TIMM50: variants seen among roughly 807,000 people sequenced by gnomAD.
The protein encoded by TIMM50 is translocase of inner mitochondrial membrane 50.
In TIMM50, 34 loss-of-function variants were observed where a neutral mutation model predicts 49.6. The ratio of observed to expected loss-of-function variants is 0.69; its 90% CI spans 0.52 to 0.91. TIMM50 has a LOEUF of 0.91. Among genes scored for constraint, TIMM50 ranks in the 40% least tolerant of loss-of-function variants. The pLI, the probability that TIMM50 is intolerant of heterozygous loss-of-function variation, is 0.00. For synonymous variants in TIMM50, 199 were observed against 198.4 expected, an observed-to-expected ratio of 1.00 and a Z score of -0.03; for missense variants, 458 against 477.8, an observed-to-expected ratio of 0.96 and a Z score of 0.39.
chr19:39,487,037 G>T (rs1359576592), intron 8 of TIMM50, among the ~76,000 whole-genome samples: 1 of 152,118 alleles, frequency 6.6e-6, no homozygotes, highest in Non-Finnish European at 1.5e-5. Context: ...GTCTTGAAGG[G>T]TCTGTGTCTG....
rs4803245 is a variant in TIMM50 at position 39,485,824 on chromosome 19, C to T, written c.492+17C>T. On this transcript the variant is annotated intron_variant, in intron 6 of 10. Transcript: ENST00000607714. ...GAGTGGTCGGTGTGTCCCGGGAAAC[C>T]CAGTGGGTTGGGGATAGACCTGGGC... The T allele has an allele frequency of 8.1e-6, 13 of 1,613,382 alleles. No homozygotes were observed. The African/African-American group carries it at 1.5e-4, about 18-fold the overall frequency.
rs1461487153 is a variant in TIMM50, at chr19:39,486,448, C to T, written c.649C>T (p.Arg217Cys). The T allele has an allele frequency of 7.4e-6, 12 of 1,614,130 alleles. No individual in the cohort carries two copies. The highest frequency in any genetic ancestry group is 2.2e-5 in the East Asian group (1 of 44,886). ...GGACCCCCATGGCTTCATCTCCTAC[C>T]GCCTATTCCGGGACGCCACAAGATA... ...SVDPHGFISY[R>C]LFRDATRYMD... is the part of the protein sequence containing the mutation. The change falls in exon 8 of 11, where the codon CGC (arginine) becomes TGC (cysteine). Residue 217 changes from arginine (R) to cysteine (C), a missense_variant. Coordinates refer to ENST00000607714, the MANE Select transcript of TIMM50 (RefSeq NM_001001563.5).
intron 4 of TIMM50, chr19:39,483,380 G>A: frequency 1.7e-6 from 1 of 575,216 alleles, no homozygotes; most frequent in Non-Finnish European, 3.1e-6. Flanking sequence ...TGGGGGATTG[G>A]AGCCTTGGGT....
In TIMM50 at chr19:39,492,874, A is replaced by AAAAAAAAAAC. The variant is rs2079555077; in HGVS notation, c.*3063_*3064insCAAAAAAAAA. 1 of 139,234 alleles carries AAAAAAAAAAC rather than the reference A, an allele frequency of 7.2e-6. No homozygotes were observed. Among genetic ancestry groups the AAAAAAAAAAC allele is most frequent in the Non-Finnish European group, 1.6e-5 (1 of 64,180 alleles). The allele number at this position is 139,234 out of a possible 1,614,324, so 8.6% of individuals were successfully genotyped here. A position where few individuals can be genotyped will look rare whatever the true frequency, so the allele number is the denominator to read the frequency against. On this transcript the variant is annotated 3_prime_UTR_variant, in exon 11 of 11. Coordinates refer to ENST00000607714, the MANE Select transcript of TIMM50 (RefSeq NM_001001563.5). ...CGACAGAGTAAGGCTCTGTCTCCAAAAAAAAAAAAAAAAAAAAACAAAAAA... is the reference window on the plus strand; with the variant it reads ...CGACAGAGTAAGGCTCTGTCTCCAAAAAAAAAAAACAAAAAAAAAAAAAAAAAACAAAAAA...
At position 39,480,870 on chromosome 19, in the gene TIMM50, C is replaced by A. The variant is rs1474521387; in HGVS notation, c.17C>A (p.Ala6Glu). MAASA[A>E]VFSRLRSGLR... ...CAGCGCAAGATGGCGGCCTCGGCAG[C>A]GGTGTTCTCGCGCTTGCGAAGCGGG... is the stretch of plus-strand genomic sequence containing the variant. Residue 6 changes from alanine to glutamate, a missense_variant, in exon 1 of 11, where the codon GCG becomes GAG. By Grantham distance (107) the Ala-to-Glu change is moderately radical (BLOSUM62 -1). Transcript: ENST00000607714. 3.1e-6 allele frequency: 5 copies of A among 1,599,412 alleles called. No homozygotes were observed. Among genetic ancestry groups the A allele is most frequent in the East Asian group, 2.3e-5 (1 of 44,426 alleles).
chr19:39,487,946 T>G, intron 8 of TIMM50, 115 bp from the exon 9 acceptor site: 1 of 1,449,502 alleles, frequency 6.9e-7, no homozygotes, highest in Non-Finnish European at 9.2e-7. Flanking sequence ...GCCCTGCCAT[T>G]GTGATCCCAG....
intron 6 of TIMM50, 145 bp downstream of exon 6, chr19:39,485,952 G>A (rs1035124126): frequency 7.6e-7 from 1 of 1,323,280 alleles, no homozygotes; most frequent in Non-Finnish European, 1.0e-6. Context: ...CTGGGAGAAG[G>A]CAGTCATGCT....
Position 39,490,107 on chromosome 19 carries a change from G to A in TIMM50, c.*287G>A, listed in dbSNP as rs890314788. Reference sequence around the variant, plus strand: ...CTCGCTGTGTCTTCCTGTGTGTTGCGTGATCTGTGAAAAATACATCTCCCT... The same window carrying A: ...CTCGCTGTGTCTTCCTGTGTGTTGCATGATCTGTGAAAAATACATCTCCCT... On this transcript the variant is annotated 3_prime_UTR_variant, in exon 11 of 11. Transcript: ENST00000607714. The A allele has an allele frequency of 1.3e-4, 59 of 447,726 alleles. No individual in the cohort carries two copies. Among genetic ancestry groups the A allele is most frequent in the Admixed American group, 1.7e-4 (5 of 29,398 alleles). 27.7% of individuals were successfully genotyped at this position (447,726 alleles called of 1,614,324 possible). A position where few individuals can be genotyped will look rare whatever the true frequency, so the allele number is the denominator to read the frequency against.
intron 6 of TIMM50, 123 bp from the exon 7 acceptor site, chr19:39,486,064 A>G: frequency 1.7e-6 from 2 of 1,160,186 alleles, no homozygotes; most frequent in East Asian, 4.7e-5. Flanking sequence ...TTGACCTCCA[A>G]GAGCCACAGA....
In TIMM50 at chr19:39,490,635, C is replaced by G. The variant is rs1188672556; in HGVS notation, c.*815C>G. On this transcript the variant is annotated 3_prime_UTR_variant, in exon 11 of 11. Transcript: ENST00000607714. ...AAACTCCTAGTCTTAAGCAATCTTC[C>G]TGCTTTGGCCTCCCAAAGCGCTAGG... The G allele has an allele frequency of 6.6e-6, 1 of 152,052 alleles. No individual in the cohort carries two copies. The highest frequency in any genetic ancestry group is 1.5e-5 in the Non-Finnish European group (1 of 68,016). 9.4% of individuals were successfully genotyped at this position (152,052 alleles called of 1,614,324 possible).
rs753234749 is a variant in TIMM50, at chr19:39,486,510, T to C, written c.696+15T>C. On this transcript the variant is annotated intron_variant, in intron 8 of 10. Transcript: ENST00000607714. ...ACCATGTAAAGGTGCCGTGGGTTCA[T>C]GGGTGGGCCTCTGGGATTTGGCGGA... 48 of 1,612,612 alleles carry C rather than the reference T, an allele frequency of 3.0e-5. No individual in the cohort carries two copies. The highest frequency in any genetic ancestry group is 4.1e-5 in the Non-Finnish European group (48 of 1,178,724).
At chr19:39,482,211 TTCCAC>T (rs1377463413) in intron 2 of TIMM50, among the ~76,000 whole-genome samples, 178 bp downstream of exon 2, 1 of 152,172 alleles carries the variant, frequency 6.6e-6, no homozygotes, top group Admixed American at 6.5e-5. Flanking sequence ...TTCTTCTCCC[TTCCAC>T]TCCTTAAGGT....
chr19:39,489,456 G>T (rs1294037180), intron 10 of TIMM50, among the ~76,000 whole-genome samples: 1 of 152,066 alleles, frequency 6.6e-6, no homozygotes, highest in Non-Finnish European at 1.5e-5. Context: ...GCCTAGTATT[G>T]GAGTCTGTCG....
chr19:39,484,483 T>C (rs1351728372), intron 4 of TIMM50, among the ~76,000 whole-genome samples: 1 of 152,172 alleles, frequency 6.6e-6, no homozygotes, highest in African/African-American at 2.4e-5. Flanking sequence ...CCCTTGGCCC[T>C]ATTGACGCTT....
chr19:39,481,077 C>T (rs1196199646), intron 1 of TIMM50, 116 bp downstream of exon 1: 18 of 1,326,854 alleles, frequency 1.4e-5, no homozygotes, highest in Admixed American at 3.1e-5. Context: ...AATGAAACGC[C>T]GCTTGTGTTT....
intron 9 of TIMM50, 106 bp from the exon 10 acceptor site, chr19:39,488,433 G>C (rs146210670): frequency 1.7e-6 from 2 of 1,150,344 alleles, no homozygotes; most frequent in Non-Finnish European, 2.6e-6. Flanking sequence ...AGCATTCCAG[G>C]TAGCACTGAC....
rs1200699773 is a variant in TIMM50 at position 39,481,756 on chromosome 19, C to A, written c.109-127C>A. 9 of 1,232,862 alleles carry A rather than the reference C, an allele frequency of 7.3e-6. No homozygotes were observed. In the South Asian group the frequency reaches 1.3e-4, roughly 18 times the overall value. The allele number at this position is 1,232,862 out of a possible 1,614,324, so 76.4% of individuals were successfully genotyped here. A position where few individuals can be genotyped will look rare whatever the true frequency, so the allele number is the denominator to read the frequency against. On this transcript the variant is annotated intron_variant, in intron 1 of 10. Coordinates refer to ENST00000607714, the MANE Select transcript of TIMM50 (RefSeq NM_001001563.5). ...CACATCCTGACTGCTACTCCAGGGA[C>A]ACAGATGTCCAGGGCTCTGTGGGTG... is the stretch of plus-strand genomic sequence containing the variant.
At position 39,486,464 on chromosome 19, in the gene TIMM50, C is replaced by T. The variant is rs1444492063; in HGVS notation, c.665C>T (p.Ala222Val). 6 of 1,614,146 alleles carry T rather than the reference C, an allele frequency of 3.7e-6. No homozygotes were observed. Among genetic ancestry groups the T allele is most frequent in the African/African-American group, 1.3e-5 (1 of 75,026 alleles). The change falls in exon 8 of 11, where the codon GCC becomes GTC. Residue 222 changes from alanine (A) to valine (V), a missense_variant. Ala to Val is a moderately conservative substitution (Grantham distance 64, BLOSUM62 0). Transcript: ENST00000607714. ...GFISYRLFRD[A>V]TRYMDGHHVK... Reference sequence around the variant, plus strand: ...ATCTCCTACCGCCTATTCCGGGACGCCACAAGATACATGGATGGACACCAT... The same window carrying T: ...ATCTCCTACCGCCTATTCCGGGACGTCACAAGATACATGGATGGACACCAT...
intron 1 of TIMM50, 157 bp downstream of exon 1, chr19:39,481,118 C>G: frequency 1.0e-6 from 1 of 983,726 alleles, no homozygotes; most frequent in Middle Eastern, 3.3e-4. Context: ...TGGGTGGTTG[C>G]TCCCCTAGGC....
Sources: allele counts gnomAD v4.1 joint callset (sites outside exome capture counted in the v4.1 genomes callset), GRCh38; gene constraint gnomAD v4.1.1; transcripts MANE v1.5; gene names NCBI Gene and HGNC (gene_info 2026-07-23, HGNC 2026-07-21).